The following TNFSF8 variants were observed in gnomAD, a reference collection of about 807,000 sequenced individuals.
TNFSF8 encodes TNF superfamily member 8, also known as tumor necrosis factor ligand superfamily member 8.
In TNFSF8, 4 loss-of-function variants were observed where a neutral mutation model predicts 22.0. The ratio of observed to expected loss-of-function variants is 0.18; its 90% confidence interval spans 0.09 to 0.42. The LOEUF (loss-of-function observed/expected upper bound fraction) is 0.42. Among genes scored for constraint, TNFSF8 ranks in the 10% least tolerant of loss-of-function variants. TNFSF8 has a pLI of 1.00. For synonymous variants in TNFSF8, 106 were observed against 112.5 expected (o/e 0.94, Z 0.37); for missense variants, 233 against 281.8 (o/e 0.83, Z 1.24).
chr9:114,895,804 C>CTT (rs1827650160), intron 4 of TNFSF8, among the ~76,000 whole-genome samples: 1 of 152,220 alleles, frequency 6.6e-6, no homozygotes, highest in Non-Finnish European at 1.5e-5. Flanking sequence ...TTCCCATCTG[C>CTT]CACCCTCAGA....
chr9:114,894,902 T>C (rs1419563232), intron 4 of TNFSF8, among the ~76,000 whole-genome samples: 1 of 152,154 alleles, frequency 6.6e-6, no homozygotes, highest in African/African-American at 2.4e-5. Flanking sequence ...ACTCATCCCA[T>C]TGTATTGATC....
At chr9:114,921,795 A>T (rs1475519995) in intron 1 of TNFSF8, among the ~76,000 whole-genome samples, 2 of 152,194 alleles carry the variant, frequency 1.3e-5, no homozygotes, top group Non-Finnish European at 2.9e-5. Context: ...CCAGGTTTTC[A>T]TTCTCAGCTC....
chr9:114,902,509 C>T lies in TNFSF8; in HGVS notation c.*1422G>A, dbSNP rs988693010. On this transcript the variant is annotated 3_prime_UTR_variant, in exon 4 of 4. Coordinates refer to ENST00000223795, the MANE Select transcript of TNFSF8 (RefSeq NM_001244.4). ...CTCGTCAGATGGTTTCCCAAACACC[C>T]AGATGGTCTCTTAGATTCTGGATGG... 121 of 985,306 alleles carry T rather than the reference C, an allele frequency of 1.2e-4. No homozygotes were observed. Among genetic ancestry groups the T allele is most frequent in the Non-Finnish European group, 1.3e-4 (107 of 829,934 alleles). The allele number at this position is 985,306 out of a possible 1,614,324, so 61.0% of individuals were successfully genotyped here.
chr9:114,896,115 G>A (rs977179300), intron 4 of TNFSF8, among the ~76,000 whole-genome samples: 6 of 152,160 alleles, frequency 3.9e-5, no homozygotes, highest in African/African-American at 1.2e-4. Flanking sequence ...GAAACATAAC[G>A]GATTACCAGC....
chr9:114,929,453 C>A (rs1828107995), intron 1 of TNFSF8, among the ~76,000 whole-genome samples: 1 of 151,738 alleles, frequency 6.6e-6, no homozygotes, highest in African/African-American at 2.4e-5. Context: ...CCAAAATGTC[C>A]AAAGCTCTAA....
At chr9:114,908,760 C>G (rs1276835543) in intron 2 of TNFSF8, among the ~76,000 whole-genome samples, 1 of 152,086 alleles carries the variant, frequency 6.6e-6, no homozygotes, top group Non-Finnish European at 1.5e-5. Context: ...GGGAAAAACA[C>G]AGGCAGCCCT....
chr9:114,895,010 G>A (rs1827642558), intron 4 of TNFSF8, among the ~76,000 whole-genome samples: 1 of 152,200 alleles, frequency 6.6e-6, no homozygotes, highest in Non-Finnish European at 1.5e-5. Flanking sequence ...AGAACGGAAG[G>A]CATAGTCAGA....
chr9:114,910,942 A>G (rs1827845382), intron 2 of TNFSF8, among the ~76,000 whole-genome samples: 1 of 152,208 alleles, frequency 6.6e-6, no homozygotes, highest in African/African-American at 2.4e-5. Context: ...CAGCTGCCAC[A>G]TCCATTAAGT....
chr9:114,918,815 G>A (rs1225549243), intron 1 of TNFSF8, among the ~76,000 whole-genome samples: 1 of 152,142 alleles, frequency 6.6e-6, no homozygotes, highest in Non-Finnish European at 1.5e-5. Flanking sequence ...TGGCCAGGTT[G>A]GTCTCGAACT....
chr9:114,908,436 A>G (rs1184258625), intron 2 of TNFSF8, among the ~76,000 whole-genome samples: 3 of 152,218 alleles, frequency 2.0e-5, no homozygotes, highest in East Asian at 3.9e-4. Context: ...CCTTGGGCTG[A>G]GGCCAGCACA....
chr9:114,912,438 G>A (rs1431736698), intron 2 of TNFSF8, among the ~76,000 whole-genome samples: 2 of 152,216 alleles, frequency 1.3e-5, no homozygotes, highest in Non-Finnish European at 2.9e-5. Flanking sequence ...TTGCCAGGCT[G>A]GAGTGCAGTA....
chr9:114,897,612 A>G (rs371803958), downstream of TNFSF8, among the ~76,000 whole-genome samples: 59 of 152,328 alleles, frequency 3.9e-4, no homozygotes, highest in African/African-American at 1.3e-3. Context: ...TGAAATGGAA[A>G]TCAGAACAAT....
intron 2 of TNFSF8, among the ~76,000 whole-genome samples, chr9:114,916,338 GAA>G (rs1827918595): frequency 6.6e-6 from 1 of 152,114 alleles, no homozygotes; most frequent in Admixed American, 6.5e-5. Flanking sequence ...TATGGTACCA[GAA>G]TACTAGTTAG....
Position 114,901,652 on chromosome 9 carries a change from T to C in TNFSF8, c.*2279A>G. The C allele has an allele frequency of 1.0e-6, 1 of 985,466 alleles. No homozygotes were observed. Among genetic ancestry groups the C allele is most frequent in the South Asian group, 4.7e-5 (1 of 21,292 alleles). The allele number at this position is 985,466 out of a possible 1,614,324, so 61.0% of individuals were successfully genotyped here. The stretch of plus-strand genomic sequence containing the variant: ...TCAAATGCCAGCCATTTCCCTGTTT[T>C]TTTAGCCTTGAGTCTCAAAGTCTGT... On this transcript the variant is annotated 3_prime_UTR_variant, in exon 4 of 4. Transcript: ENST00000223795.
intron 4 of TNFSF8, among the ~76,000 whole-genome samples, chr9:114,896,034 C>T (rs189324138): frequency 3.5e-4 from 54 of 152,152 alleles, no homozygotes; most frequent in Middle Eastern, 3.4e-3. Context: ...GTGTTTAGAC[C>T]CTCACATTTG....
chr9:114,896,114 C>T (rs1827653089), intron 4 of TNFSF8, among the ~76,000 whole-genome samples: 1 of 152,210 alleles, frequency 6.6e-6, no homozygotes, highest in Non-Finnish European at 1.5e-5. Context: ...AGAAACATAA[C>T]GGATTACCAG....
downstream of TNFSF8, among the ~76,000 whole-genome samples, chr9:114,897,572 G>T (rs892060510): frequency 6.6e-6 from 1 of 152,198 alleles, no homozygotes; most frequent in Non-Finnish European, 1.5e-5. Flanking sequence ...AGCCAGCAGA[G>T]TCAGGAAGAC....
rs936725993 is a variant in TNFSF8 at position 114,901,970 on chromosome 9, T to C, written c.*1961A>G. The C allele has an allele frequency of 5.1e-6, 5 of 985,404 alleles. No homozygotes were observed. The highest frequency in any genetic ancestry group is 6.0e-6 in the Non-Finnish European group (5 of 829,896). The allele number at this position is 985,404 out of a possible 1,614,324, so 61.0% of individuals were successfully genotyped here. ...TTCTAGCTTTCCTTCTGACAAACTT[T>C]GCTGGAGTCCTACTCCTTTTCTCTC... On this transcript the variant is annotated 3_prime_UTR_variant, in exon 4 of 4. Transcript: ENST00000223795.
At chr9:114,906,167 T>C (rs968718219) in intron 2 of TNFSF8, among the ~76,000 whole-genome samples, 10 of 152,230 alleles carry the variant, frequency 6.6e-5, no homozygotes, top group Non-Finnish European at 1.2e-4. Context: ...CATCCATTCC[T>C]ATAATGTGTC....
Sources: allele counts gnomAD v4.1 joint callset (sites outside exome capture counted in the v4.1 genomes callset), GRCh38; gene constraint gnomAD v4.1.1; transcripts MANE v1.5; gene names NCBI Gene and HGNC (gene_info 2026-07-23, HGNC 2026-07-21).